Variants in DNAH17 observed in about 807,000 individuals in gnomAD.
The protein encoded by DNAH17 is axonemal beta dynein heavy chain 17.
Under a neutral mutation model 485.6 loss-of-function variants are expected in DNAH17, and 376 were observed. The observed-to-expected ratio is 0.77, with a 90% CI of 0.71 to 0.84. The LOEUF (loss-of-function observed/expected upper bound fraction) is 0.84, where lower values mean the gene tolerates loss of function less well. DNAH17 is among the 40% of genes least tolerant of loss of function. The pLI, the probability that DNAH17 is intolerant of heterozygous loss-of-function variation, is 0.00. For synonymous variants in DNAH17, 3,031 were observed against 2,405.9 expected, an observed-to-expected ratio of 1.26 and a Z score of -7.60; for missense variants, 6,370 against 5,839.3, an observed-to-expected ratio of 1.09 and a Z score of -2.96.
rs561387100 is a variant in DNAH17, at chr17:78,571,039, C to T, written c.833-6G>A. On this transcript the variant is annotated splice_polypyrimidine_tract_variant and splice_region_variant and intron_variant, in intron 5 of 80. Coordinates refer to ENST00000389840, the MANE Select transcript of DNAH17 (RefSeq NM_173628.4). ...GTCGTTGGCTTCCTTCAGCCCTGCA[C>T]GGAACAAGAACAAGTGCCCACCGGT... 1.0e-4 allele frequency: 162 copies of T among 1,565,738 alleles called. No homozygotes were observed. The highest frequency in any genetic ancestry group is 5.4e-4 in the South Asian group (46 of 84,980).
At chr17:78,431,300 C>T (rs750334477) in intron 75 of DNAH17, among the ~76,000 whole-genome samples, 43 of 152,238 alleles carry the variant, frequency 2.8e-4, no homozygotes, top group Non-Finnish European at 5.3e-4. Flanking sequence ...TCTTGCTTAG[C>T]AGCTTTGGAG....
intron 70 of DNAH17, 137 bp downstream of exon 70, chr17:78,445,421 G>T: frequency 8.0e-7 from 1 of 1,245,204 alleles, no homozygotes; most frequent in Non-Finnish European, 1.1e-6. Flanking sequence ...CCATCCCTAT[G>T]TGCGGGGCCT....
At position 78,453,251 on chromosome 17, in the gene DNAH17, A is replaced by G; in HGVS notation, c.10529+92T>C. The G allele has an allele frequency of 2.2e-5, 34 of 1,518,726 alleles. 2 individuals carry two copies. In the South Asian group the frequency reaches 3.5e-4, roughly 16 times the overall value. 94.1% of individuals were successfully genotyped at this position (1,518,726 alleles called of 1,614,324 possible). On this transcript the variant is annotated intron_variant, in intron 65 of 80. Transcript: ENST00000389840. ...TTGCTGCTTACCAGGGAAGCAAAGG[A>G]AATTCCGGGCGTTTTCTCTACATGC...
At position 78,494,684 on chromosome 17, in the gene DNAH17, A is replaced by AC. The variant is rs1293061144; in HGVS notation, c.6178dup (p.Val2060GlyfsTer30). 6.2e-7 allele frequency: 1 copy of AC among 1,613,954 alleles called. No homozygotes were observed. The highest frequency in any genetic ancestry group is 8.5e-7 in the Non-Finnish European group (1 of 1,179,904). The stretch of plus-strand genomic sequence containing the variant: ...CATGAATACGGGCAGGTCGTCTGTC[A>AC]CAATCTTGGGGATGTTGAAGTCTCT... On this transcript the variant is annotated frameshift_variant, in exon 40 of 81. Transcript: ENST00000389840. LOFTEE classifies it high-confidence loss of function.
rs924937144 is a variant in DNAH17, at chr17:78,468,773, G to A, written c.8622C>T (p.Asp2874=). The A allele has an allele frequency of 1.9e-6, 3 of 1,613,908 alleles. No homozygotes were observed. The highest frequency in any genetic ancestry group is 1.3e-5 in the African/African-American group (1 of 74,924). ...CAGGGATCTCTCCTGAGGCCAGCAG[G>A]TCATTGATCAGCACCAGAAACTGCT... ...AEEQFLVLIN[D]LLASGEIPGL... Residue 2874 remains aspartate, a synonymous_variant, in exon 55 of 81, where the codon GAC becomes GAT. Coordinates refer to ENST00000389840, the MANE Select transcript of DNAH17 (RefSeq NM_173628.4).
Position 78,485,609 on chromosome 17 carries a change from T to A in DNAH17, c.7424A>T (p.Asp2475Val). 1 of 1,613,826 alleles carries A rather than the reference T, an allele frequency of 6.2e-7. No individual in the cohort carries two copies. Among genetic ancestry groups the A allele is most frequent in the Non-Finnish European group, 8.5e-7 (1 of 1,179,840 alleles). The change falls in exon 47 of 81, where the codon GAC becomes GTC. Residue 2475 changes from aspartate to valine, a missense_variant. Transcript: ENST00000389840. ...GGGCACAGCCTGCACCAGGTAGTTG[T>A]CCGTGTTCAGGCTTTCCAGCTTGTC... ...MGDKLESLNT[D>V]NYLVQAVPFN...
chr17:78,460,337 T>TGTGTGTGCAA, intron 58 of DNAH17, 80 bp from the exon 59 acceptor site: 1 of 897,008 alleles, frequency 1.1e-6, no homozygotes, highest in Non-Finnish European at 1.7e-6. Flanking sequence ...TGTGTGTGCA[T>TGTGTGTGCAA]GTGTGTGCAT....
At chr17:78,560,456 A>G (rs1004607892) in intron 13 of DNAH17, among the ~76,000 whole-genome samples, 1 of 151,050 alleles carries the variant, frequency 6.6e-6, no homozygotes, top group Middle Eastern at 3.4e-3. Flanking sequence ...CAGTGCATTT[A>G]TCTAGATTCG....
rs1245491568 is a variant in DNAH17, at chr17:78,455,650, G to A, written c.10164C>T (p.Asn3388=). The A allele has an allele frequency of 1.5e-5, 24 of 1,549,436 alleles. No homozygotes were observed. The highest frequency in any genetic ancestry group is 2.1e-5 in the Non-Finnish European group (24 of 1,146,128). The change falls in exon 63 of 81, where the codon AAC becomes AAT. Residue 3388 remains asparagine, a synonymous_variant. Coordinates refer to ENST00000389840, the MANE Select transcript of DNAH17 (RefSeq NM_173628.4). ...MEKFWIPYIH[N]LKVPIPITNG... is the part of the protein sequence containing the mutation. ...CCAGGACTCCACTCCTTACCTTTAAGTTATGTATGTAAGGGATCCAGAATT... is the reference window on the plus strand; with the variant it reads ...CCAGGACTCCACTCCTTACCTTTAAATTATGTATGTAAGGGATCCAGAATT...
Position 78,486,473 on chromosome 17 carries a change from C to G in DNAH17, c.6852G>C (p.Val2284=), listed in dbSNP as rs541811701. Residue 2284 remains valine (V), a synonymous_variant, in exon 45 of 81, where the codon GTG becomes GTC. Coordinates refer to ENST00000389840, the MANE Select transcript of DNAH17 (RefSeq NM_173628.4). Reference sequence around the variant, plus strand: ...TCATCAGGTTGGCCTTCTCCGACTGCACCTTGCGCCTCTCGATCCAGCTGC... The same window carrying G: ...TCATCAGGTTGGCCTTCTCCGACTGGACCTTGCGCCTCTCGATCCAGCTGC... ...VVSSWIERRK[V]QSEKANLMIL... The G allele has an allele frequency of 6.2e-7, 1 of 1,611,766 alleles. No individual in the cohort carries two copies. The highest frequency in any genetic ancestry group is 8.5e-7 in the Non-Finnish European group (1 of 1,178,830).
intron 6 of DNAH17, 89 bp from the exon 7 acceptor site, chr17:78,570,461 A>C: frequency 2.0e-5 from 30 of 1,477,498 alleles, no homozygotes; most frequent in African/African-American, 2.8e-5. Flanking sequence ...CATGGCTCTC[A>C]CTGGGTATCC....
At chr17:78,486,186 G>A (rs1049429521) in intron 45 of DNAH17, 38 bp downstream of exon 45, 1 of 1,593,178 alleles carries the variant, frequency 6.3e-7, no homozygotes, top group Non-Finnish European at 8.6e-7. Flanking sequence ...GATGCTGAGA[G>A]ACCCTGTGTG....
Position 78,498,186 on chromosome 17 carries a change from AATAAAT to A in DNAH17, c.5745+816_5745+821del, listed in dbSNP as rs1380390190. 5.0e-4 allele frequency among the ~76,000 whole-genome samples: 75 copies of A among 150,724 alleles called. No homozygotes were observed. In the East Asian group the frequency reaches 5.4e-3, roughly 11 times the overall value. On this transcript the variant is annotated intron_variant, in intron 37 of 80. Coordinates refer to ENST00000389840, the MANE Select transcript of DNAH17 (RefSeq NM_173628.4). ...AAATAAATAAATAAATAAATAAATA[AATAAAT>A]AAAGCAGGCTCTCCACCCAGGTTGT...
intron 56 of DNAH17, among the ~76,000 whole-genome samples, chr17:78,464,772 A>G (rs2088330387): frequency 6.6e-6 from 1 of 152,146 alleles, no homozygotes; most frequent in Non-Finnish European, 1.5e-5. Flanking sequence ...CTGGCCCTGG[A>G]GCCTTGGCTG....
intron 51 of DNAH17, among the ~76,000 whole-genome samples, chr17:78,477,708 A>C (rs962350214): frequency 1.3e-5 from 2 of 152,212 alleles, no homozygotes. Flanking sequence ...GGAGGTGGGC[A>C]TAACTTAGCC....
In DNAH17 at chr17:78,558,229, T is replaced by C; in HGVS notation, c.2057A>G (p.Lys686Arg). 6.2e-7 allele frequency: 1 copy of C among 1,613,792 alleles called. No individual in the cohort carries two copies. Among genetic ancestry groups the C allele is most frequent in the Non-Finnish European group, 8.5e-7 (1 of 1,179,806 alleles). The change falls in exon 14 of 81, where the codon AAG becomes AGG. Residue 686 changes from lysine to arginine, a missense_variant. Transcript: ENST00000389840. The part of the protein sequence containing the change: ...KALVAVLREV[K>R]YLNFQQQKEI... ...TTTCTGTTGCTGGAAATTCAAATAC[T>C]TGACTTCTCTCAGAACTGCCACCAA...
intron 30 of DNAH17, among the ~76,000 whole-genome samples, chr17:78,506,082 T>C (rs533267802): frequency 1.3e-5 from 2 of 152,164 alleles, no homozygotes; most frequent in South Asian, 4.2e-4. Flanking sequence ...CTTCTTCTTG[T>C]GTAACCTCTA....
chr17:78,484,745 C>CGG, intron 48 of DNAH17, 123 bp downstream of exon 48: 2 of 438,022 alleles, frequency 4.6e-6, no homozygotes, highest in Non-Finnish European at 7.2e-6. Context: ...CAGCACCCCC[C>CGG]CCACCGCCCC....
chr17:78,451,472 C>T lies in DNAH17; in HGVS notation c.10731G>A (p.Leu3577=). The T allele has an allele frequency of 6.2e-7, 1 of 1,608,620 alleles. No homozygotes were observed. The highest frequency in any genetic ancestry group is 8.5e-7 in the Non-Finnish European group (1 of 1,177,372). Residue 3577 remains leucine (L), a synonymous_variant, in exon 66 of 81, where the codon CTG becomes CTA. Coordinates refer to ENST00000389840, the MANE Select transcript of DNAH17 (RefSeq NM_173628.4). ...VAKERPDLEQ[L]KANLTKSQNE... ...TGACCAAACTTCAGGCCATTACCTTCAGCTGTTCCAGATCTGGGCGCTCTT... is the reference window on the plus strand; with the variant it reads ...TGACCAAACTTCAGGCCATTACCTTTAGCTGTTCCAGATCTGGGCGCTCTT...
Sources: gnomAD v4.1 joint callset for allele counts (sites outside exome capture counted in the v4.1 genomes callset) on GRCh38, gnomAD v4.1.1 for gene constraint, MANE v1.5 for transcripts, NCBI Gene and HGNC (gene_info 2026-07-23, HGNC 2026-07-21) for gene names.